Variants in ANTXRL observed in about 807,000 individuals in gnomAD.
ANTXRL encodes the protein anthrax toxin receptor-like.
Under a neutral mutation model 75.4 loss-of-function variants are expected in ANTXRL, and 63 were observed. The observed-to-expected ratio is 0.84, with a 90% CI of 0.68 to 1.03. The LOEUF is 1.03. ANTXRL is among the 50% of genes least tolerant of loss of function. ANTXRL has a pLI of 0.00. For synonymous variants in ANTXRL, 335 were observed against 291.3 expected (o/e 1.15, Z -1.53); for missense variants, 797 against 789.4 (o/e 1.01, Z -0.12).
intron 16 of ANTXRL, among the ~76,000 whole-genome samples, chr10:46,321,809 T>G (rs781833139): frequency 3.9e-5 from 6 of 152,132 alleles, no homozygotes; most frequent in Non-Finnish European, 5.9e-5. Context: ...AGGTATCAAC[T>G]TATGTTTTCC....
At position 46,294,822 on chromosome 10, in the gene ANTXRL, C is replaced by T. The variant is rs1292845479; in HGVS notation, c.392+922C>T. ...GTATGGATGGGTCTGGCCTCCTCCC[C>T]TCCTGGGCTGGGCAGGCAGGGCTCT... is the stretch of plus-strand genomic sequence containing the variant. On this transcript the variant is annotated intron_variant, in intron 3 of 16. Transcript: ENST00000620264. Among the ~76,000 whole-genome samples the T allele has an allele frequency of 2.3e-5, 3 of 130,226 alleles. No homozygotes were observed. In the Admixed American group the frequency reaches 2.3e-4, roughly 10 times the overall value. 85.4% of individuals were successfully genotyped at this position (130,226 alleles called of 152,430 possible).
At position 46,292,100 on chromosome 10, in the gene ANTXRL, G is replaced by A; in HGVS notation, c.291G>A (p.Trp97Ter). ...VNNNWIDLYM[W>*]VEETVARFQS... is the part of the protein sequence containing the mutation. ...ATAACTGGATTGACCTTTATATGTG[G>A]GTGGAGGAAACAGTGGCGAGGTTCC... The change falls in exon 2 of 17, where the codon TGG becomes TGA. Residue 97 changes from tryptophan to a stop codon, truncating the protein, a stop_gained. Transcript: ENST00000620264. LOFTEE classifies it high-confidence loss of function. The A allele has an allele frequency of 6.5e-7, 1 of 1,536,320 alleles. No homozygotes were observed. The highest frequency in any genetic ancestry group is 8.7e-7 in the Non-Finnish European group (1 of 1,146,822).
chr10:46,317,209 A>C (rs1417081706), intron 16 of ANTXRL, among the ~76,000 whole-genome samples: 1 of 152,192 alleles, frequency 6.6e-6, no homozygotes, highest in Non-Finnish European at 1.5e-5. Context: ...TATATGCCAC[A>C]GGACCTTAAT....
chr10:46,319,410 G>T (rs181143457), intron 16 of ANTXRL, among the ~76,000 whole-genome samples: 3 of 152,266 alleles, frequency 2.0e-5, no homozygotes, highest in Admixed American at 2.0e-4. Context: ...ACACATCGAA[G>T]ATTTTAGAGG....
In ANTXRL at chr10:46,287,515, G is replaced by A. The variant is rs782378475; in HGVS notation, c.248+5G>A. On this transcript the variant is annotated splice_donor_5th_base_variant and intron_variant, in intron 1 of 16. Transcript: ENST00000620264. ...CCTCTACTTCATCTTGGACAAGTGA[G>A]TGTCCCTTCTAGCTCTGGCCCTGGG... 18 of 1,534,318 alleles carry A rather than the reference G, an allele frequency of 1.2e-5. No homozygotes were observed. The highest frequency in any genetic ancestry group is 1.6e-5 in the Non-Finnish European group (18 of 1,145,938).
intron 12 of ANTXRL, among the ~76,000 whole-genome samples, chr10:46,308,143 C>G (rs544320366): frequency 1.3e-5 from 2 of 152,232 alleles, no homozygotes; most frequent in African/African-American, 4.8e-5. Context: ...TGCCTTGTAC[C>G]CAGTCTCACT....
intron 1 of ANTXRL, among the ~76,000 whole-genome samples, chr10:46,289,220 C>T (rs1235516719): frequency 1.3e-5 from 2 of 152,160 alleles, no homozygotes; most frequent in African/African-American, 4.8e-5. Context: ...AATGAATCAG[C>T]CTCCCATGCG....
intron 16 of ANTXRL, among the ~76,000 whole-genome samples, chr10:46,323,063 A>C (rs1415483335): frequency 1.3e-5 from 2 of 152,174 alleles, no homozygotes; most frequent in African/African-American, 4.8e-5. Flanking sequence ...TGTTGTTTCC[A>C]TAAATGCCAA....
chr10:46,329,234 G>A (rs1554967011), intron 16 of ANTXRL, among the ~76,000 whole-genome samples: 2 of 152,160 alleles, frequency 1.3e-5, no homozygotes, highest in African/African-American at 4.8e-5. Flanking sequence ...GCTGTGGTGA[G>A]CACTCATCCC....
At position 46,321,241 on chromosome 10, in the gene ANTXRL, C is replaced by T. The variant is rs537371210; in HGVS notation, c.1410+7925C>T. 1.1e-3 allele frequency among the ~76,000 whole-genome samples: 160 copies of T among 152,204 alleles called. 1 individual carries two copies. Among genetic ancestry groups the T allele is most frequent in the African/African-American group, 3.8e-3 (157 of 41,524 alleles). The stretch of plus-strand genomic sequence containing the variant: ...CTAAAGCCATCCACTGATTATGGTC[C>T]CATGAATTTTCCTGTAGAGAAAAGG... On this transcript the variant is annotated intron_variant, in intron 16 of 16. Coordinates refer to ENST00000620264, the MANE Select transcript of ANTXRL (RefSeq NM_001278688.3).
rs1837360383 is a variant in ANTXRL, at chr10:46,296,101, G to T, written c.474+1G>T. 1 of 1,535,890 alleles carries T rather than the reference G, an allele frequency of 6.5e-7. No homozygotes were observed. Among genetic ancestry groups the T allele is most frequent in the Non-Finnish European group, 8.7e-7 (1 of 1,146,746 alleles). On this transcript the variant is annotated splice_donor_variant, in intron 4 of 16. Transcript: ENST00000620264. LOFTEE classifies it high-confidence loss of function. ...ATTCATGCAGGCAGGATTTAGAAAG[G>T]TATAGACCCCTTGATCTCCTAACCC...
intron 7 of ANTXRL, 71 bp downstream of exon 7, chr10:46,297,545 C>T (rs1837455411): frequency 5.4e-6 from 8 of 1,478,926 alleles, no homozygotes; most frequent in Non-Finnish European, 7.3e-6. Context: ...CGTCCCGGGC[C>T]ACCCCAAGGA....
intron 10 of ANTXRL, among the ~76,000 whole-genome samples, chr10:46,303,387 A>T (rs758192119): frequency 2.6e-5 from 4 of 152,190 alleles, no homozygotes; most frequent in Non-Finnish European, 5.9e-5. Context: ...ACATGGAGGC[A>T]ATATGGTGCT....
At position 46,311,558 on chromosome 10, in the gene ANTXRL, C is replaced by T; in HGVS notation, c.1222C>T (p.Pro408Ser). 6.5e-7 allele frequency: 1 copy of T among 1,529,830 alleles called. No homozygotes were observed. The highest frequency in any genetic ancestry group is 8.8e-7 in the Non-Finnish European group (1 of 1,141,240). 94.8% of individuals were successfully genotyped at this position (1,529,830 alleles called of 1,614,324 possible). ...PPSPPPPPPP[P>S]PPPLPPPPPA... ...ATCACCACCACCACCGCCTCCGCCT[C>T]CACCACCTCCACTCCCGCCTCCGCC... Residue 408 changes from proline (P) to serine (S), a missense_variant, in exon 15 of 17, where the codon CCA (proline) becomes TCA (serine). Pro to Ser is a moderately conservative substitution (Grantham distance 74). Transcript: ENST00000620264.
At chr10:46,290,105 G>A (rs1392684896) in intron 1 of ANTXRL, among the ~76,000 whole-genome samples, 7 of 147,136 alleles carry the variant, frequency 4.8e-5, no homozygotes, top group African/African-American at 1.8e-4. Flanking sequence ...TCAGCGGCGC[G>A]ATCTCGGCTC....
chr10:46,290,045 C>T (rs1431285413), intron 1 of ANTXRL, among the ~76,000 whole-genome samples: 4 of 119,642 alleles, frequency 3.3e-5, no homozygotes, highest in African/African-American at 6.4e-5. Flanking sequence ...TTTTCTTTAT[C>T]TTTTTTTTTT....
intron 10 of ANTXRL, among the ~76,000 whole-genome samples, chr10:46,304,213 C>G (rs191976120): frequency 1.4e-4 from 21 of 152,290 alleles, no homozygotes; most frequent in Admixed American, 1.2e-3. Context: ...CACACTATCT[C>G]CTTGAATCCT....
chr10:46,325,769 G>A (rs1480213204), intron 16 of ANTXRL, among the ~76,000 whole-genome samples: 2 of 152,108 alleles, frequency 1.3e-5, no homozygotes, highest in Admixed American at 6.5e-5. Flanking sequence ...GGAACTGAAT[G>A]TAAAATGTGT....
intron 9 of ANTXRL, among the ~76,000 whole-genome samples, chr10:46,298,318 G>A (rs1159929165): frequency 9.2e-5 from 14 of 151,852 alleles, no homozygotes; most frequent in Non-Finnish European, 2.1e-4. Flanking sequence ...CTGCGGGAGA[G>A]GGTAATATGT....
Sources: gnomAD v4.1 joint callset for allele counts (sites outside exome capture counted in the v4.1 genomes callset) on GRCh38, gnomAD v4.1.1 for gene constraint, MANE v1.5 for transcripts, NCBI Gene and HGNC (gene_info 2026-07-23, HGNC 2026-07-21) for gene names.